The following KIAA1217 variants were observed in gnomAD, a reference collection of about 807,000 sequenced individuals.
KIAA1217 encodes sickle tail protein homolog.
Under a neutral mutation model 163.9 loss-of-function variants are expected in KIAA1217, and 88 were observed. The ratio of observed to expected loss-of-function variants is 0.54; its 90% confidence interval spans 0.45 to 0.64. The LOEUF (loss-of-function observed/expected upper bound fraction) is 0.64. Ranked by LOEUF, KIAA1217 falls within the 30% of genes least tolerant of loss-of-function variation. KIAA1217 has a pLI of 0.00. For missense variants in KIAA1217, 2,372 were observed against 2,475.0 expected, an observed-to-expected ratio of 0.96 and a Z score of 0.88; for synonymous variants, 903 against 923.1, an observed-to-expected ratio of 0.98 and a Z score of 0.39.
intron 1 of KIAA1217, among the ~76,000 whole-genome samples, chr10:23,873,235 T>C (rs1336308616): frequency 6.6e-6 from 1 of 152,072 alleles, no homozygotes; most frequent in Non-Finnish European, 1.5e-5. Context: ...ATAAGAACAT[T>C]GCTATTCATT....
intron 16 of KIAA1217, among the ~76,000 whole-genome samples, chr10:24,535,273 A>G (rs1445586707): frequency 2.0e-5 from 3 of 152,236 alleles, no homozygotes; most frequent in Non-Finnish European, 4.4e-5. Context: ...CAAGGAGACC[A>G]GGTACAGCAG....
In KIAA1217 at chr10:24,453,922, T is replaced by C. The variant is rs140473060; in HGVS notation, c.846+15443T>C. On this transcript the variant is annotated intron_variant, in intron 5 of 20. Coordinates refer to ENST00000376454, the MANE Select transcript of KIAA1217 (RefSeq NM_019590.5). ...GACTTAAAGAAAATTATTAAATGAG[T>C]ACTAGGACAGCTGATACAAAGATAT... 6.8e-4 allele frequency among the ~76,000 whole-genome samples: 104 copies of C among 152,194 alleles called. No homozygotes were observed. In the East Asian group the frequency reaches 0.017, roughly 25 times the overall value.
Position 24,521,836 on chromosome 10 carries a change from A to T in KIAA1217, c.2363A>T (p.Glu788Val). Residue 788 changes from glutamate to valine, a missense_variant, in exon 12 of 21, where the codon GAG becomes GTG. By Grantham distance (121) the Glu-to-Val change is moderately radical. Around this residue, in one of 3 missense-constraint regions of KIAA1217, gnomAD observed 1,431 missense variants for 1,470.3 expected, o/e 0.97. Transcript: ENST00000376454. ...KMRAILRIEVEAVRFLKEEPH... is the reference protein window; with the variant it reads ...KMRAILRIEVVAVRFLKEEPH... ...CGAGCCATCCTGCGCATAGAAGTGGAGGCCGTGCGGTTTCTGAAGGAGGAG... is the reference window on the plus strand; with the variant it reads ...CGAGCCATCCTGCGCATAGAAGTGGTGGCCGTGCGGTTTCTGAAGGAGGAG... 1.2e-6 allele frequency: 2 copies of T among 1,613,874 alleles called. No individual in the cohort carries two copies. The highest frequency in any genetic ancestry group is 2.2e-5 in the South Asian group (2 of 91,078).
At chr10:24,476,524 C>T (rs1171140427) in intron 6 of KIAA1217, among the ~76,000 whole-genome samples, 1 of 152,036 alleles carries the variant, frequency 6.6e-6, no homozygotes, top group Non-Finnish European at 1.5e-5. Context: ...TATTCTATTT[C>T]CAGATTAACA....
At chr10:23,703,033 G>C (rs1836582549) in intron 1 of KIAA1217, among the ~76,000 whole-genome samples, 1 of 151,846 alleles carries the variant, frequency 6.6e-6, no homozygotes, top group African/African-American at 2.4e-5. Context: ...CTGGTCCCTC[G>C]GGCTCCTTGA....
At chr10:24,387,751 A>G (rs868236713) in intron 3 of KIAA1217, among the ~76,000 whole-genome samples, 4 of 152,262 alleles carry the variant, frequency 2.6e-5, no homozygotes, top group Middle Eastern at 3.4e-3. Context: ...GCATTCCTAT[A>G]CACCAATAAC....
chr10:24,354,989 T>C (rs1245914676), intron 2 of KIAA1217, among the ~76,000 whole-genome samples: 1 of 152,250 alleles, frequency 6.6e-6, no homozygotes, highest in Non-Finnish European at 1.5e-5. Flanking sequence ...GAAAACATTT[T>C]TCTCCCAGTA....
At chr10:24,037,008 G>A (rs1848422379) in intron 2 of KIAA1217, among the ~76,000 whole-genome samples, 1 of 152,218 alleles carries the variant, frequency 6.6e-6, no homozygotes. Context: ...GAGACTCAGG[G>A]AGGAGATCCG....
intron 2 of KIAA1217, among the ~76,000 whole-genome samples, chr10:24,178,999 T>C (rs763882283): frequency 3.9e-5 from 6 of 152,226 alleles, no homozygotes; most frequent in Non-Finnish European, 7.3e-5. Flanking sequence ...AAAATAACTG[T>C]TTCTTTACCC....
chr10:24,236,810 C>T (rs1395192407), intron 2 of KIAA1217, among the ~76,000 whole-genome samples: 1 of 151,950 alleles, frequency 6.6e-6, no homozygotes, highest in Admixed American at 6.6e-5. Context: ...CACCAGCACG[C>T]CGGGCTAATT....
At chr10:23,896,178 A>G (rs1349212044) in intron 1 of KIAA1217, among the ~76,000 whole-genome samples, 1 of 151,940 alleles carries the variant, frequency 6.6e-6, no homozygotes, top group Non-Finnish European at 1.5e-5. Context: ...AAGTAGAAGA[A>G]TAATCAAAGG....
chr10:24,234,158 T>C (rs1287923403), intron 2 of KIAA1217, among the ~76,000 whole-genome samples: 1 of 152,156 alleles, frequency 6.6e-6, no homozygotes, highest in Admixed American at 6.5e-5. Flanking sequence ...CTGAAACTTT[T>C]TGAGCACCAA....
chr10:23,916,968 CAAAAA>C (rs72049753), intron 1 of KIAA1217, among the ~76,000 whole-genome samples: 2 of 80,056 alleles, frequency 2.5e-5, no homozygotes, highest in Non-Finnish European at 5.2e-5. Flanking sequence ...GAGATTCTCT[CAAAAA>C]AAAAAAAAAA....
chr10:23,866,490 C>A (rs184433876), intron 1 of KIAA1217, among the ~76,000 whole-genome samples: 3 of 152,270 alleles, frequency 2.0e-5, no homozygotes, highest in African/African-American at 4.8e-5. Flanking sequence ...AGCAAGGAAT[C>A]CCCTCCCTTA....
intron 2 of KIAA1217, among the ~76,000 whole-genome samples, chr10:24,032,944 A>G (rs1276663548): frequency 6.6e-6 from 1 of 152,232 alleles, no homozygotes; most frequent in Non-Finnish European, 1.5e-5. Context: ...TCCAGCCTCC[A>G]TCACAACCTG....
intron 2 of KIAA1217, among the ~76,000 whole-genome samples, chr10:24,064,836 T>A (rs2060874620): frequency 6.6e-6 from 1 of 152,244 alleles, no homozygotes; most frequent in South Asian, 2.1e-4. Flanking sequence ...ATTGGTCTAT[T>A]CAGAGATTCA....
chr10:23,860,029 T>C (rs761813768), intron 1 of KIAA1217, among the ~76,000 whole-genome samples: 1 of 145,330 alleles, frequency 6.9e-6, no homozygotes, highest in Non-Finnish European at 1.5e-5. Flanking sequence ...CACTTGTCTA[T>C]GTATAGGAGG....
At chr10:24,021,882 T>C (rs1209961249) in intron 2 of KIAA1217, among the ~76,000 whole-genome samples, 1 of 5,986 alleles carries the variant, frequency 1.7e-4, no homozygotes, top group Non-Finnish European at 2.9e-4. Flanking sequence ...TGGACATCAA[T>C]ATACAAAAAA....
intron 1 of KIAA1217, among the ~76,000 whole-genome samples, chr10:23,816,325 C>G (rs568297823): frequency 6.6e-6 from 1 of 152,076 alleles, no homozygotes; most frequent in African/African-American, 2.4e-5. Context: ...GCGGAATCTC[C>G]TCTGTTGCCC....
Sources: gnomAD v4.1 joint callset for allele counts (sites outside exome capture counted in the v4.1 genomes callset) on GRCh38, gnomAD v4.1.1 for gene constraint, gnomAD v4.1.1 regional missense constraint, MANE v1.5 for transcripts, NCBI Gene and HGNC (gene_info 2026-07-23, HGNC 2026-07-21) for gene names.